Variants in NARS2 observed in about 807,000 individuals in gnomAD.
The protein encoded by NARS2 is asparaginyl-tRNA synthetase 2, mitochondrial.
In NARS2, 60 loss-of-function variants were observed where a neutral mutation model predicts 62.9. The ratio of observed to expected loss-of-function variants is 0.95; its 90% CI spans 0.77 to 1.18. NARS2 has a LOEUF of 1.18. Ranked by LOEUF, NARS2 falls within the 50% of genes most tolerant of loss-of-function variation. The probability of loss-of-function intolerance (pLI) is 0.00; values close to 1 mark genes in which losing one functional copy is unlikely to be tolerated. For synonymous variants in NARS2, 196 were observed against 200.0 expected (o/e 0.98, Z 0.17); for missense variants, 619 against 576.4 (o/e 1.07, Z -0.76).
chr11:78,534,704 T>C (rs1490720462), intron 5 of NARS2, among the ~76,000 whole-genome samples: 1 of 152,224 alleles, frequency 6.6e-6, no homozygotes, highest in East Asian at 1.9e-4. Flanking sequence ...CGGTCTCTCT[T>C]ATTACTGGAT....
At chr11:78,466,294 A>C (rs1858618553) in intron 10 of NARS2, among the ~76,000 whole-genome samples, 1 of 147,544 alleles carries the variant, frequency 6.8e-6, no homozygotes, top group African/African-American at 2.5e-5. Flanking sequence ...AGCAGACAAT[A>C]CAGCACCTGC....
rs1000908949 is a variant in NARS2, at chr11:78,443,883, C to T, written c.1165-125G>A. 4.4e-5 allele frequency: 28 copies of T among 640,898 alleles called. 1 individual carries two copies. The highest frequency in any genetic ancestry group is 1.1e-5 in the Non-Finnish European group (4 of 365,602). The allele number at this position is 640,898 out of a possible 1,614,324, so 39.7% of individuals were successfully genotyped here. A position where few individuals can be genotyped will look rare whatever the true frequency, so the allele number is the denominator to read the frequency against. The stretch of plus-strand genomic sequence containing the variant: ...TAACTACCTACCAGAATCTTACTGA[C>T]TACATACAAATTATAAGTGGACAAT... On this transcript the variant is annotated intron_variant, in intron 11 of 13. Transcript: ENST00000281038.
intron 11 of NARS2, among the ~76,000 whole-genome samples, chr11:78,444,730 A>C (rs544578629): frequency 1.0e-4 from 15 of 149,848 alleles, no homozygotes; most frequent in South Asian, 2.1e-4. Context: ...AACAAAACAA[A>C]AAAAAAAAAA....
intron 10 of NARS2, 114 bp from the exon 11 acceptor site, chr11:78,466,127 G>A: frequency 1.9e-6 from 2 of 1,069,230 alleles, no homozygotes; most frequent in South Asian, 3.3e-5. Flanking sequence ...GAGGCTCCAT[G>A]TGTGGAGCTA....
intron 6 of NARS2, among the ~76,000 whole-genome samples, chr11:78,498,561 T>C (rs1020344723): frequency 2.6e-5 from 4 of 152,138 alleles, no homozygotes; most frequent in Non-Finnish European, 5.9e-5. Flanking sequence ...TATATCCATC[T>C]GCTTATTTGG....
intron 5 of NARS2, among the ~76,000 whole-genome samples, chr11:78,556,168 T>G (rs1302583932): frequency 6.6e-6 from 1 of 152,172 alleles, no homozygotes; most frequent in Non-Finnish European, 1.5e-5. Context: ...TCATTTTAAT[T>G]ATCTGATTCT....
At chr11:78,461,718 G>A (rs575296018) in intron 11 of NARS2, among the ~76,000 whole-genome samples, 2 of 150,886 alleles carry the variant, frequency 1.3e-5, no homozygotes, top group African/African-American at 2.4e-5. Flanking sequence ...AGGCTGAGGC[G>A]GATGGACTGC....
Position 78,566,284 on chromosome 11 carries a change from T to C in NARS2, c.373-12A>G, listed in dbSNP as rs1350331458. 1 of 1,569,622 alleles carries C rather than the reference T, an allele frequency of 6.4e-7. No homozygotes were observed. The highest frequency in any genetic ancestry group is 1.9e-5 in the Admixed American group (1 of 53,392). ...TTGATGGGGAAATCCTGCCAATAAATGAAAAGAACAAATTAGAAGTCAAAA... is the reference window on the plus strand; with the variant it reads ...TTGATGGGGAAATCCTGCCAATAAACGAAAAGAACAAATTAGAAGTCAAAA... On this transcript the variant is annotated splice_polypyrimidine_tract_variant and intron_variant, in intron 3 of 13. Transcript: ENST00000281038.
At chr11:78,563,854 ATATAT>A (rs1565287423) in intron 4 of NARS2, among the ~76,000 whole-genome samples, 310 of 23,830 alleles carry the variant, frequency 0.013, 34 homozygotes, top group East Asian at 0.063. Flanking sequence ...AAAAAAAAAT[ATATAT>A]ATATATATAT....
intron 9 of NARS2, among the ~76,000 whole-genome samples, chr11:78,473,193 A>T (rs1414828831): frequency 6.6e-6 from 1 of 152,186 alleles, no homozygotes; most frequent in Non-Finnish European, 1.5e-5. Context: ...AAAGTTCACC[A>T]GTTTCTCTCT....
At chr11:78,566,365 AC>A (rs1258059149) in intron 3 of NARS2, 93 bp from the exon 4 acceptor site, 3 of 994,690 alleles carry the variant, frequency 3.0e-6, no homozygotes, top group Non-Finnish European at 4.2e-6. Flanking sequence ...GCGCTTTGGA[AC>A]CAAACTAAGA....
chr11:78,437,128 GATTTACTA>G (rs1195238192), intron 13 of NARS2, among the ~76,000 whole-genome samples: 1 of 152,154 alleles, frequency 6.6e-6, no homozygotes, highest in South Asian at 2.1e-4. Flanking sequence ...ATTTTCTATA[GATTTACTA>G]ATTTTCTTGA....
chr11:78,458,929 G>T (rs10899507), intron 11 of NARS2, among the ~76,000 whole-genome samples: 41,005 of 150,382 alleles, frequency 0.27, 6,309 homozygotes, highest in East Asian at 0.41. Context: ...TTGTTTGTTT[G>T]TTTTTTTGAG....
chr11:78,550,621 G>A (rs1196221318), intron 5 of NARS2, among the ~76,000 whole-genome samples: 1 of 152,170 alleles, frequency 6.6e-6, no homozygotes, highest in Non-Finnish European at 1.5e-5. Flanking sequence ...AACAAATGTA[G>A]GCTAGGATGC....
At chr11:78,568,092 CAAT>C (rs1356049804) in intron 3 of NARS2, among the ~76,000 whole-genome samples, 1 of 152,174 alleles carries the variant, frequency 6.6e-6, no homozygotes, top group South Asian at 2.1e-4. Flanking sequence ...CTAAGCCTTA[CAAT>C]ACTACTGATC....
chr11:78,551,621 C>T (rs1051938824), intron 5 of NARS2, among the ~76,000 whole-genome samples: 5 of 152,120 alleles, frequency 3.3e-5, no homozygotes, highest in African/African-American at 1.2e-4. Context: ...GAGGCCAAGG[C>T]GGACGGATCA....
intron 7 of NARS2, among the ~76,000 whole-genome samples, chr11:78,489,397 A>G (rs1372383028): frequency 6.6e-6 from 1 of 152,218 alleles, no homozygotes; most frequent in Non-Finnish European, 1.5e-5. Context: ...ACTAATACAC[A>G]GCTCTTAGAA....
chr11:78,537,067 T>C (rs1855383713), intron 5 of NARS2, among the ~76,000 whole-genome samples: 1 of 152,106 alleles, frequency 6.6e-6, no homozygotes, highest in Non-Finnish European at 1.5e-5. Flanking sequence ...ACAGCCTAGG[T>C]GTGTGGTAGG....
chr11:78,566,842 C>A (rs1856762044), intron 3 of NARS2, among the ~76,000 whole-genome samples: 1 of 152,116 alleles, frequency 6.6e-6, no homozygotes, highest in South Asian at 2.1e-4. Context: ...CTACACTGCT[C>A]ACATTCATGT....
Sources: gnomAD v4.1 joint callset for allele counts (sites outside exome capture counted in the v4.1 genomes callset) on GRCh38, gnomAD v4.1.1 for gene constraint, MANE v1.5 for transcripts, NCBI Gene and HGNC (gene_info 2026-07-23, HGNC 2026-07-21) for gene names.